DLGAP2: variants seen among roughly 807,000 people sequenced by gnomAD.
DLGAP2 encodes disks large-associated protein 2.
Under a neutral mutation model 100.3 loss-of-function variants are expected in DLGAP2, and 26 were observed. The observed-to-expected ratio is 0.26, with a 90% CI of 0.19 to 0.36. The LOEUF (loss-of-function observed/expected upper bound fraction) is 0.36, where lower values mean the gene tolerates loss of function less well. Among genes scored for constraint, DLGAP2 ranks in the 10% least tolerant of loss-of-function variants. DLGAP2 has a pLI of 1.00. For missense variants in DLGAP2, 1,858 were observed against 1,453.2 expected, an observed-to-expected ratio of 1.28 and a Z score of -4.53; for synonymous variants, 886 against 630.1, an observed-to-expected ratio of 1.41 and a Z score of -6.08.
intron 2 of DLGAP2, among the ~76,000 whole-genome samples, chr8:1,107,111 G>A (rs1804800054): frequency 6.6e-6 from 1 of 152,172 alleles, no homozygotes; most frequent in African/African-American, 2.4e-5. Flanking sequence ...CCTGCGGGCG[G>A]TATCACACAC....
chr8:1,605,583 A>G (rs1315236505), intron 6 of DLGAP2, among the ~76,000 whole-genome samples: 6 of 152,180 alleles, frequency 3.9e-5, no homozygotes, highest in Non-Finnish European at 7.3e-5. Context: ...AATCTTTTCA[A>G]TTAGCAATCA....
chr8:1,332,250 G>C (rs564891303), intron 3 of DLGAP2, among the ~76,000 whole-genome samples: 21 of 152,286 alleles, frequency 1.4e-4, no homozygotes, highest in African/African-American at 4.8e-4. Flanking sequence ...GTGAGTATAT[G>C]CATGTGTATA....
At chr8:1,605,147 G>A (rs927244986) in intron 6 of DLGAP2, among the ~76,000 whole-genome samples, 15 of 152,278 alleles carry the variant, frequency 9.9e-5, no homozygotes, top group African/African-American at 3.6e-4. Flanking sequence ...TGCCGAAAGA[G>A]GAAACAGTGG....
At chr8:1,277,084 T>A (rs1392001035) in intron 3 of DLGAP2, among the ~76,000 whole-genome samples, 1 of 152,244 alleles carries the variant, frequency 6.6e-6, no homozygotes, top group Non-Finnish European at 1.5e-5. Flanking sequence ...AGTTGTACCT[T>A]CTGGAATATT....
rs756646716 is a variant in DLGAP2, at chr8:1,565,911, G to C, written c.1442+17G>C. 4 of 1,574,720 alleles carry C rather than the reference G, an allele frequency of 2.5e-6. No homozygotes were observed. Among genetic ancestry groups the C allele is most frequent in the Non-Finnish European group, 3.4e-6 (4 of 1,160,040 alleles). On this transcript the variant is annotated intron_variant, in intron 6 of 14. Coordinates refer to ENST00000637795, the MANE Select transcript of DLGAP2 (RefSeq NM_001346810.2). Reference sequence around the variant, plus strand: ...GCACCAGACGTAAGTGAGACCAGCTGCCTTCCCACTCCAAGCACTTTCCCA... The same window carrying C: ...GCACCAGACGTAAGTGAGACCAGCTCCCTTCCCACTCCAAGCACTTTCCCA...
chr8:1,345,191 T>C (rs1041024381), intron 3 of DLGAP2, among the ~76,000 whole-genome samples: 4 of 152,270 alleles, frequency 2.6e-5, no homozygotes, highest in Non-Finnish European at 5.9e-5. Flanking sequence ...TTCTGTGAAG[T>C]AGAGTTCTGA....
Position 1,299,765 on chromosome 8 carries a change from A to T in DLGAP2, c.106+40882A>T, listed in dbSNP as rs373548327. Among the ~76,000 whole-genome samples the T allele has an allele frequency of 1.1e-4, 17 of 152,200 alleles. 1 individual carries two copies. Among genetic ancestry groups the T allele is most frequent in the African/African-American group, 3.9e-4 (16 of 41,446 alleles). On this transcript the variant is annotated intron_variant, in intron 3 of 14. Transcript: ENST00000637795. Reference sequence around the variant, plus strand: ...TATTATCATCTACAATCCCCCCTGGACTGCACTTTTAAAGGAGGTCAAGAA... The same window carrying T: ...TATTATCATCTACAATCCCCCCTGGTCTGCACTTTTAAAGGAGGTCAAGAA...
At chr8:1,347,181 C>G (rs1387718245) in intron 3 of DLGAP2, among the ~76,000 whole-genome samples, 10 of 151,942 alleles carry the variant, frequency 6.6e-5, no homozygotes, top group Non-Finnish European at 5.9e-5. Context: ...AGCTGCATTG[C>G]TCTCATGGCG....
At chr8:858,922 T>C (rs938638361) in intron 1 of DLGAP2, among the ~76,000 whole-genome samples, 4 of 152,188 alleles carry the variant, frequency 2.6e-5, no homozygotes, top group African/African-American at 9.7e-5. Context: ...AGCAAATGTT[T>C]CACACTAACA....
Position 908,049 on chromosome 8 carries a change from A to G in DLGAP2, c.73+83A>G, listed in dbSNP as rs12676790. The G allele has an allele frequency of 0.26, 103,527 of 397,552 alleles. 15,085 individuals are homozygous for G. The highest frequency in any genetic ancestry group is 0.34 in the Middle Eastern group (537 of 1,580). The allele number at this position is 397,552 out of a possible 1,614,324, so 24.6% of individuals were successfully genotyped here. The stretch of plus-strand genomic sequence containing the variant: ...TGAGAAATGTGATTACCTAATTTAG[A>G]TATTTTGTGCATTTTTATTTTGTGG... On this transcript the variant is annotated intron_variant, in intron 2 of 14. Transcript: ENST00000637795.
intron 3 of DLGAP2, among the ~76,000 whole-genome samples, chr8:1,271,047 A>G (rs1002516403): frequency 5.3e-5 from 8 of 152,176 alleles, no homozygotes; most frequent in South Asian, 2.1e-4. Flanking sequence ...TAATATTGCA[A>G]TTCTCAAATT....
chr8:1,043,192 TGGTGGTGGATGCGGGTGGTGGGTGTG>T (rs1563161405), intron 2 of DLGAP2, among the ~76,000 whole-genome samples: 30 of 31,372 alleles, frequency 9.6e-4, no homozygotes, highest in Admixed American at 1.9e-3. Flanking sequence ...TGGTGGGTGT[TGGTGGTGGATGCGGGTGGTGGGTGTG>T]GGTGGTGGAT....
intron 2 of DLGAP2, among the ~76,000 whole-genome samples, chr8:1,230,306 C>T (rs959679166): frequency 1.3e-5 from 2 of 151,680 alleles, no homozygotes; most frequent in African/African-American, 4.8e-5. Flanking sequence ...ACATCTAACT[C>T]GAAGTGAAAG....
At chr8:1,317,408 C>A (rs1196213624) in intron 3 of DLGAP2, among the ~76,000 whole-genome samples, 3 of 141,102 alleles carry the variant, frequency 2.1e-5, no homozygotes, top group African/African-American at 5.5e-5. Context: ...CAGCGTCTCT[C>A]CAACAGTGGT....
chr8:905,083 G>A (rs17667361), intron 1 of DLGAP2, among the ~76,000 whole-genome samples: 6,967 of 152,138 alleles, frequency 0.046, 237 homozygotes, highest in Non-Finnish European at 0.075. Context: ...CGCCTTTTTC[G>A]AACACAGATT....
intron 1 of DLGAP2, among the ~76,000 whole-genome samples, chr8:847,380 A>T (rs139068252): frequency 6.6e-6 from 1 of 152,194 alleles, no homozygotes; most frequent in Non-Finnish European, 1.5e-5. Context: ...CTAAAATTAA[A>T]AAGTTTTAAT....
chr8:1,486,533 A>T (rs1162577287), intron 3 of DLGAP2, among the ~76,000 whole-genome samples: 1 of 152,214 alleles, frequency 6.6e-6, no homozygotes, highest in Non-Finnish European at 1.5e-5. Flanking sequence ...TGCTGAGCAC[A>T]TTCCAATCAA....
At chr8:1,173,294 G>A (rs969167947) in intron 2 of DLGAP2, among the ~76,000 whole-genome samples, 2 of 152,176 alleles carry the variant, frequency 1.3e-5, no homozygotes, top group African/African-American at 2.4e-5. Context: ...TGCCCCTACT[G>A]GGGGGTGCCT....
chr8:1,586,004 C>G (rs555966376), intron 6 of DLGAP2, among the ~76,000 whole-genome samples: 26 of 152,320 alleles, frequency 1.7e-4, no homozygotes, highest in African/African-American at 6.3e-4. Flanking sequence ...CATTACTGTA[C>G]AATTTCCTTT....
Sources: allele counts gnomAD v4.1 joint callset (sites outside exome capture counted in the v4.1 genomes callset), GRCh38; gene constraint gnomAD v4.1.1; transcripts MANE v1.5; gene names NCBI Gene and HGNC (gene_info 2026-07-23, HGNC 2026-07-21).